Variants in TAFA1 observed in about 807,000 individuals in gnomAD.
TAFA1 encodes TAFA chemokine like family member 1.
In TAFA1, 4 loss-of-function variants were observed where a neutral mutation model predicts 18.5. That is an observed-to-expected ratio of 0.22 (90% CI 0.11 to 0.49). TAFA1 has a LOEUF of 0.49. TAFA1 is among the 20% of genes least tolerant of loss of function. The pLI, the probability that TAFA1 is intolerant of heterozygous loss-of-function variation, is 0.98. For missense variants in TAFA1, 147 were observed against 169.0 expected (o/e 0.87, Z 0.72); for synonymous variants, 56 against 55.2 (o/e 1.01, Z -0.06).
intron 2 of TAFA1, among the ~76,000 whole-genome samples, chr3:68,268,155 T>C (rs1238324891): frequency 2.0e-5 from 3 of 152,110 alleles, no homozygotes; most frequent in Non-Finnish European, 2.9e-5. Context: ...AAAAATAAAG[T>C]TCTAAGGTAT....
intron 2 of TAFA1, among the ~76,000 whole-genome samples, chr3:68,230,297 T>C (rs976244914): frequency 4.0e-5 from 6 of 151,690 alleles, no homozygotes; most frequent in African/African-American, 1.5e-4. Flanking sequence ...CTGACTCTGA[T>C]AACCGTCATT....
chr3:68,352,145 A>G (rs183078712), intron 2 of TAFA1, among the ~76,000 whole-genome samples: 1 of 152,140 alleles, frequency 6.6e-6, no homozygotes, highest in Admixed American at 6.6e-5. Flanking sequence ...CCTCTTGAGC[A>G]CTTGTAGGTA....
intron 2 of TAFA1, among the ~76,000 whole-genome samples, chr3:68,260,784 G>T (rs1043819821): frequency 2.6e-4 from 40 of 152,134 alleles, no homozygotes; most frequent in Admixed American, 1.1e-3. Context: ...ATGGATTAAA[G>T]ACTTACATGT....
intron 2 of TAFA1, among the ~76,000 whole-genome samples, chr3:68,166,890 A>G (rs1305996211): frequency 6.6e-6 from 1 of 152,174 alleles, no homozygotes; most frequent in Non-Finnish European, 1.5e-5. Flanking sequence ...AGCCTTACCC[A>G]GTAGACATGC....
chr3:68,543,197 T>C (rs2073405384), intron 4 of TAFA1, among the ~76,000 whole-genome samples: 1 of 152,186 alleles, frequency 6.6e-6, no homozygotes, highest in African/African-American at 2.4e-5. Context: ...TCCCTAGGTT[T>C]ACTTGCCTTT....
Position 68,316,580 on chromosome 3 carries a change from G to A in TAFA1, c.119-100700G>A, listed in dbSNP as rs200251190. Among the ~76,000 whole-genome samples the A allele has an allele frequency of 1.2e-4, 18 of 152,190 alleles. No homozygotes were observed. The East Asian group carries it at 3.3e-3, about 28-fold the overall frequency. On this transcript the variant is annotated intron_variant, in intron 2 of 4. Coordinates refer to ENST00000478136, the MANE Select transcript of TAFA1 (RefSeq NM_213609.4). The stretch of plus-strand genomic sequence containing the variant: ...CAGACAAAGGAAAGTAATGGGTCCA[G>A]AAAACATAATAAAAACCTTTTAGTT...
chr3:68,376,422 G>C (rs1559640512), intron 2 of TAFA1, among the ~76,000 whole-genome samples: 1 of 151,802 alleles, frequency 6.6e-6, no homozygotes, highest in Non-Finnish European at 1.5e-5. Flanking sequence ...CTACCCTCAA[G>C]TAGGCCCCTG....
At chr3:68,032,450 A>G (rs1704955661) in intron 2 of TAFA1, among the ~76,000 whole-genome samples, 1 of 152,104 alleles carries the variant, frequency 6.6e-6, no homozygotes, top group African/African-American at 2.4e-5. Context: ...CAAAAGAAAC[A>G]CCACTGTGAT....
At chr3:68,117,258 T>C (rs1453125900) in intron 2 of TAFA1, among the ~76,000 whole-genome samples, 1 of 152,186 alleles carries the variant, frequency 6.6e-6, no homozygotes, top group African/African-American at 2.4e-5. Context: ...CAATGAGATA[T>C]GGGAAGATAT....
intron 2 of TAFA1, among the ~76,000 whole-genome samples, chr3:68,186,667 A>G (rs1446646941): frequency 1.3e-5 from 2 of 152,030 alleles, no homozygotes; most frequent in South Asian, 2.1e-4. Context: ...CTACCTGTCT[A>G]CTTACCGTCC....
At chr3:68,357,409 C>T (rs967029555) in intron 2 of TAFA1, among the ~76,000 whole-genome samples, 7 of 151,744 alleles carry the variant, frequency 4.6e-5, no homozygotes, top group South Asian at 4.1e-4. Context: ...AATAGCAAGG[C>T]GAAAAACACT....
intron 2 of TAFA1, among the ~76,000 whole-genome samples, chr3:68,277,724 A>G (rs2067821986): frequency 6.6e-6 from 1 of 152,184 alleles, no homozygotes; most frequent in South Asian, 2.1e-4. Flanking sequence ...TGAAATAACA[A>G]CTAAAGGTTT....
chr3:68,309,609 A>G (rs1208737924), intron 2 of TAFA1, among the ~76,000 whole-genome samples: 2 of 152,208 alleles, frequency 1.3e-5, no homozygotes, highest in African/African-American at 4.8e-5. Context: ...GATGTTGGAA[A>G]TAGCTATTTG....
In TAFA1 at chr3:68,379,736, G is replaced by T. The variant is rs1025238830; in HGVS notation, c.119-37544G>T. ...CCATTTTAAGTTGATTTTTTTTTTT[G>T]AGTCTGTCTCCAAAGTTCTTTTTTT... On this transcript the variant is annotated intron_variant, in intron 2 of 4. Transcript: ENST00000478136. Among the ~76,000 whole-genome samples, 4 of 135,782 alleles carry T rather than the reference G, an allele frequency of 2.9e-5. No individual in the cohort carries two copies. In the East Asian group the frequency reaches 9.4e-4, roughly 32 times the overall value. 89.1% of individuals were successfully genotyped at this position (135,782 alleles called of 152,430 possible). A position where few individuals can be genotyped will look rare whatever the true frequency, so the allele number is the denominator to read the frequency against.
intron 2 of TAFA1, among the ~76,000 whole-genome samples, chr3:68,086,370 C>A (rs374034768): frequency 5.9e-5 from 9 of 152,276 alleles, no homozygotes; most frequent in East Asian, 5.8e-4. Flanking sequence ...TCTGGGCAGT[C>A]CTTTACAATT....
At chr3:68,120,629 G>A (rs1287259339) in intron 2 of TAFA1, among the ~76,000 whole-genome samples, 2 of 152,128 alleles carry the variant, frequency 1.3e-5, no homozygotes, top group Non-Finnish European at 2.9e-5. Flanking sequence ...CCTGTGGTGA[G>A]GTTCACAAAC....
chr3:68,005,914 A>C (rs1704349170), intron 1 of TAFA1, among the ~76,000 whole-genome samples: 1 of 152,200 alleles, frequency 6.6e-6, no homozygotes, highest in Admixed American at 6.5e-5. Context: ...CCATAAATAC[A>C]TATGCCACCT....
At chr3:68,332,617 C>A in intron 2 of TAFA1, among the ~76,000 whole-genome samples, 1 of 152,064 alleles carries the variant, frequency 6.6e-6, no homozygotes, top group East Asian at 1.9e-4. Context: ...TAGACATTGT[C>A]CTAAAGAAGA....
chr3:68,070,071 C>T (rs1487916429), intron 2 of TAFA1, among the ~76,000 whole-genome samples: 1 of 152,210 alleles, frequency 6.6e-6, no homozygotes, highest in Non-Finnish European at 1.5e-5. Flanking sequence ...CTCACAGATT[C>T]ACTAAGCAGT....
Sources: allele counts gnomAD v4.1 joint callset (sites outside exome capture counted in the v4.1 genomes callset), GRCh38; gene constraint gnomAD v4.1.1; transcripts MANE v1.5; gene names NCBI Gene and HGNC (gene_info 2026-07-23, HGNC 2026-07-21).